Variants in PAX3 observed in about 807,000 individuals in gnomAD.
PAX3 encodes paired box 3, also known as paired box protein Pax-3.
PAX3 carries 14 observed loss-of-function variants against 51.6 expected under a neutral mutation model. The observed-to-expected ratio is 0.27, with a 90% CI of 0.18 to 0.42. PAX3 has a LOEUF of 0.42. Ranked by LOEUF, PAX3 falls within the 10% of genes least tolerant of loss-of-function variation. The pLI is 1.00. For synonymous variants in PAX3, 280 were observed against 253.4 expected (o/e 1.11, Z -1.00); for missense variants, 540 against 642.8 (o/e 0.84, Z 1.73).
rs149273276 is a variant in PAX3, at chr2:222,220,194, C to A, written c.1119G>T (p.Pro373=). ...FSSYTDSFVP[P]SGPSNPMNPT... ...GGTTCATGGGGTTGGAGGGCCCCGACGGAGGCACAAAGCTGTCTGTATAGC... is the reference window on the plus strand; with the variant it reads ...GGTTCATGGGGTTGGAGGGCCCCGAAGGAGGCACAAAGCTGTCTGTATAGC... The change falls in exon 7 of 9, where the codon CCG becomes CCT. Residue 373 remains proline, a synonymous_variant. Coordinates refer to ENST00000392070, the MANE Select transcript of PAX3 (RefSeq NM_181458.4). 2.5e-6 allele frequency: 4 copies of A among 1,613,832 alleles called. No individual in the cohort carries two copies. Among genetic ancestry groups the A allele is most frequent in the African/African-American group, 2.7e-5 (2 of 74,960 alleles).
chr2:222,269,105 A>G (rs1694157780), intron 4 of PAX3, among the ~76,000 whole-genome samples: 2 of 152,226 alleles, frequency 1.3e-5, no homozygotes, highest in Admixed American at 1.3e-4. Flanking sequence ...AGTGATTGAC[A>G]TGGCCCTGTC....
rs1692620368 is a variant in PAX3, at chr2:222,232,129, A to G, written c.741T>C (p.Tyr247=). 1.9e-6 allele frequency: 3 copies of G among 1,614,052 alleles called. No homozygotes were observed. The highest frequency in any genetic ancestry group is 4.5e-5 in the East Asian group (2 of 44,876). The change falls in exon 5 of 9, where the codon TAT becomes TAC. Residue 247 remains tyrosine, a synonymous_variant. Transcript: ENST00000392070. ...CCCTCTGGGCCAGTTCCTCCCTAGT[A>G]TAAATGTCAGGGTAATGAGTTCTCT... ...AFERTHYPDI[Y]TREELAQRAK... is the part of the protein sequence containing the mutation.
intron 4 of PAX3, among the ~76,000 whole-genome samples, chr2:222,257,606 T>C (rs1282528198): frequency 6.6e-6 from 1 of 152,230 alleles, no homozygotes; most frequent in Non-Finnish European, 1.5e-5. Flanking sequence ...ACTACCTGTC[T>C]CCATTCATCT....
rs555355907 is a variant in PAX3 at position 222,296,897 on chromosome 2, C to T, written c.321+81G>A. The T allele has an allele frequency of 2.0e-5, 23 of 1,166,018 alleles. No individual in the cohort carries two copies. The East Asian group carries it at 3.3e-4, about 17-fold the overall frequency. 72.2% of individuals were successfully genotyped at this position (1,166,018 alleles called of 1,614,324 possible). A position where few individuals can be genotyped will look rare whatever the true frequency, so the allele number is the denominator to read the frequency against. ...TAACTCATTGGAGAGCCCCAGATGT[C>T]AGCCGTTACCCCCCGCCCGGTCTTC... On this transcript the variant is annotated intron_variant, in intron 2 of 8. Transcript: ENST00000392070.
intron 4 of PAX3, among the ~76,000 whole-genome samples, chr2:222,280,414 A>G (rs1489822854): frequency 2.0e-5 from 2 of 102,538 alleles, no homozygotes; most frequent in Non-Finnish European, 4.7e-5. Flanking sequence ...AAGAAAGAAA[A>G]AAGAAAGAAA....
At chr2:222,240,813 A>G (rs924606015) in intron 4 of PAX3, among the ~76,000 whole-genome samples, 2 of 152,180 alleles carry the variant, frequency 1.3e-5, no homozygotes, top group African/African-American at 4.8e-5. Context: ...AACACGAATG[A>G]CATCGCCCTT....
At chr2:222,232,504 GC>G (rs761052863) in intron 4 of PAX3, among the ~76,000 whole-genome samples, 1 of 151,976 alleles carries the variant, frequency 6.6e-6, no homozygotes, top group Non-Finnish European at 1.5e-5. Context: ...CAAGCACCCC[GC>G]CCCCATGCAG....
intron 4 of PAX3, chr2:222,242,481 C>T (rs955693927): frequency 2.0e-5 from 3 of 152,120 alleles, no homozygotes; most frequent in African/African-American, 7.2e-5. Context: ...ACTGTCATCC[C>T]CATCTTACAG....
intron 4 of PAX3, among the ~76,000 whole-genome samples, chr2:222,258,389 T>C (rs1693726593): frequency 6.6e-6 from 1 of 152,178 alleles, no homozygotes; most frequent in Admixed American, 6.5e-5. Context: ...TTTTCTGATT[T>C]CATTATTAAA....
At chr2:222,218,786 A>G (rs1244706460) in intron 7 of PAX3, among the ~76,000 whole-genome samples, 3 of 152,192 alleles carry the variant, frequency 2.0e-5, no homozygotes, top group Non-Finnish European at 4.4e-5. Flanking sequence ...TTTTCAGCTG[A>G]GGTTTAAAGC....
At chr2:222,297,947 C>T (rs1695394150) in intron 1 of PAX3, among the ~76,000 whole-genome samples, 1 of 152,176 alleles carries the variant, frequency 6.6e-6, no homozygotes, top group Non-Finnish European at 1.5e-5. Context: ...CCTGCCTCCC[C>T]GGGATTCCCA....
chr2:222,298,507 C>A (rs954040458), intron 1 of PAX3, 24 bp downstream of exon 1: 2 of 1,572,280 alleles, frequency 1.3e-6, no homozygotes, highest in Non-Finnish European at 1.7e-6. Flanking sequence ...GGGATCCAGG[C>A]GGCGCGCTGA....
chr2:222,286,263 A>T (rs973921717), intron 4 of PAX3, among the ~76,000 whole-genome samples: 8 of 152,220 alleles, frequency 5.3e-5, no homozygotes, highest in African/African-American at 1.9e-4. Context: ...TTTAAACAGA[A>T]TATGTTGGAT....
intron 4 of PAX3, among the ~76,000 whole-genome samples, chr2:222,248,807 A>G (rs1351806973): frequency 6.6e-6 from 1 of 152,176 alleles, no homozygotes; most frequent in Non-Finnish European, 1.5e-5. Context: ...TCATTTTAAG[A>G]GAAATGTCTT....
chr2:222,242,915 A>G (rs1693073672), intron 4 of PAX3, among the ~76,000 whole-genome samples: 1 of 152,214 alleles, frequency 6.6e-6, no homozygotes, highest in Admixed American at 6.5e-5. Flanking sequence ...ATTTTCCACT[A>G]TCAAATATTT....
chr2:222,290,066 A>G (rs987784570), intron 4 of PAX3, among the ~76,000 whole-genome samples: 1 of 151,972 alleles, frequency 6.6e-6, no homozygotes, highest in East Asian at 1.9e-4. Flanking sequence ...CCTCCTCCCA[A>G]CCTTGGACCA....
chr2:222,214,837 A>G (rs1681773121), intron 7 of PAX3: 1 of 152,150 alleles, frequency 6.6e-6, no homozygotes, highest in African/African-American at 2.4e-5. Flanking sequence ...ACAAGGCCTC[A>G]CAGCATAGTT....
At chr2:222,229,397 T>TGTTTCCCAATGATAATAG (rs1421821089) in intron 5 of PAX3, among the ~76,000 whole-genome samples, 3 of 152,178 alleles carry the variant, frequency 2.0e-5, no homozygotes, top group Non-Finnish European at 4.4e-5. Context: ...AGAAACACTC[T>TGTTTCCCAATGATAATAG]GTTTCCCAAT....
At chr2:222,242,328 T>A (rs1386742190) in intron 4 of PAX3, 2 of 152,154 alleles carry the variant, frequency 1.3e-5, no homozygotes, top group African/African-American at 4.8e-5. Context: ...ATGGACAAAA[T>A]TAACTTAATA....
Sources: allele counts gnomAD v4.1 joint callset (sites outside exome capture counted in the v4.1 genomes callset), GRCh38; gene constraint gnomAD v4.1.1; transcripts MANE v1.5; gene names NCBI Gene and HGNC (gene_info 2026-07-23, HGNC 2026-07-21).